Variants in NR6A1 observed in about 807,000 individuals in gnomAD.
NR6A1 encodes the protein nuclear receptor subfamily 6 group A member 1, also known as retinoic acid receptor-related testis-associated receptor.
NR6A1 carries 7 observed loss-of-function variants against 59.1 expected under a neutral mutation model. The observed-to-expected ratio is 0.12, with a 90% CI of 0.07 to 0.22. The LOEUF (loss-of-function observed/expected upper bound fraction) is 0.22, where lower values mean the gene tolerates loss of function less well. Ranked by LOEUF, NR6A1 falls within the 10% of genes least tolerant of loss-of-function variation. NR6A1 has a pLI of 1.00. For synonymous variants in NR6A1, 243 were observed against 236.1 expected, an observed-to-expected ratio of 1.03 and a Z score of -0.27; for missense variants, 468 against 611.6, an observed-to-expected ratio of 0.77 and a Z score of 2.48.
rs1413292299 is a variant in NR6A1, at chr9:124,520,319, C to G, written c.*2386G>C. The G allele has an allele frequency of 4.6e-5, 7 of 152,222 alleles. No individual in the cohort carries two copies. The highest frequency in any genetic ancestry group is 1.0e-4 in the Non-Finnish European group (7 of 68,048). The allele number at this position is 152,222 out of a possible 1,614,324, so 9.4% of individuals were successfully genotyped here. On this transcript the variant is annotated 3_prime_UTR_variant, in exon 10 of 10. Coordinates refer to ENST00000487099, the MANE Select transcript of NR6A1 (RefSeq NM_033334.4). ...ACAGGTCAGGCTCCGGCTCGGAACA[C>G]ACAGCCACTTTGCTCTGAGATTCTG...
Position 124,525,322 on chromosome 9 carries a change from C to CACACAG in NR6A1, c.1202-450_1202-449insCTGTGT, listed in dbSNP as rs3223288. Among the ~76,000 whole-genome samples, 6 of 150,496 alleles carry CACACAG rather than the reference C, an allele frequency of 4.0e-5. No homozygotes were observed. In the South Asian group the frequency reaches 6.4e-4, roughly 16 times the overall value. On this transcript the variant is annotated intron_variant, in intron 8 of 9. Coordinates refer to ENST00000487099, the MANE Select transcript of NR6A1 (RefSeq NM_033334.4). Reference sequence around the variant, plus strand: ...ACACACACACACACACACACACACACAGCACCCTCCTATGCGCTTCTGTTC... The same window carrying CACACAG: ...ACACACACACACACACACACACACACACACAGAGCACCCTCCTATGCGCTTCTGTTC...
At chr9:124,586,691 C>T (rs1328764818) in intron 2 of NR6A1, among the ~76,000 whole-genome samples, 1 of 152,080 alleles carries the variant, frequency 6.6e-6, no homozygotes, top group Non-Finnish European at 1.5e-5. Flanking sequence ...TCAAGCAATC[C>T]TCCTTCATTG....
chr9:124,667,404 TC>T (rs909868983), intron 2 of NR6A1, among the ~76,000 whole-genome samples: 3 of 152,064 alleles, frequency 2.0e-5, no homozygotes, highest in African/African-American at 7.2e-5. Context: ...ATAACAGGTT[TC>T]AAAGGCATAA....
rs565570681 is a variant in NR6A1, at chr9:124,771,276, G to GCTCCGCGCCC, written c.-167_-158dup. ...GCCCCGAGCCGCCCGGCTCCGCGCCGCTCCGCGCCCCTCCGCGCCGCGCCC... is the reference window on the plus strand; with the variant it reads ...GCCCCGAGCCGCCCGGCTCCGCGCCGCTCCGCGCCCCTCCGCGCCCCTCCGCGCCGCGCCC... On this transcript the variant is annotated 5_prime_UTR_variant, in exon 1 of 10. Coordinates refer to ENST00000487099, the MANE Select transcript of NR6A1 (RefSeq NM_033334.4). The GCTCCGCGCCC allele has an allele frequency of 5.6e-4, 224 of 401,412 alleles. 3 individuals carry two copies. The South Asian group carries it at 0.019, about 33-fold the overall frequency. The allele number at this position is 401,412 out of a possible 1,614,324, so 24.9% of individuals were successfully genotyped here.
intron 2 of NR6A1, among the ~76,000 whole-genome samples, chr9:124,709,946 G>GA (rs756286252): frequency 0.016 from 1,689 of 105,272 alleles, 22 homozygotes; most frequent in African/African-American, 0.046. Flanking sequence ...ATTCCATCTC[G>GA]AAAAAAAAAA....
In NR6A1 at chr9:124,598,710, GT is replaced by G. The variant is rs1835355009; in HGVS notation, c.143-44141del. 35 of 577,590 alleles carry G rather than the reference GT, an allele frequency of 6.1e-5. No homozygotes were observed. In the South Asian group the frequency reaches 6.3e-4, roughly 10 times the overall value. The allele number at this position is 577,590 out of a possible 1,614,324, so 35.8% of individuals were successfully genotyped here. ...GAGGAAAAAAATAAGACGATTTATT[GT>G]TTCTCCTCAGCATCCTCCTTGGTCT... is the stretch of plus-strand genomic sequence containing the variant. On this transcript the variant is annotated intron_variant, in intron 2 of 9. Coordinates refer to ENST00000487099, the MANE Select transcript of NR6A1 (RefSeq NM_033334.4).
intron 2 of NR6A1, chr9:124,599,357 T>C: frequency 5.6e-6 from 2 of 356,122 alleles, no homozygotes; most frequent in Non-Finnish European, 1.1e-5. Context: ...AGGCGGAGGT[T>C]GCAGTGAGCC....
At chr9:124,535,298 C>T (rs1047525794) in intron 7 of NR6A1, among the ~76,000 whole-genome samples, 1 of 152,140 alleles carries the variant, frequency 6.6e-6, no homozygotes, top group African/African-American at 2.4e-5. Context: ...TAAAGATCAG[C>T]TGGGTGCAGT....
intron 2 of NR6A1, among the ~76,000 whole-genome samples, chr9:124,719,570 T>C (rs747232153): frequency 2.6e-5 from 4 of 151,950 alleles, no homozygotes; most frequent in Non-Finnish European, 5.9e-5. Context: ...GAAACGTAAA[T>C]GGGTAAAGGA....
At position 124,751,408 on chromosome 9, in the gene NR6A1, T is replaced by TA. The variant is rs550879173; in HGVS notation, c.101-18060dup. Among the ~76,000 whole-genome samples, 36 of 152,330 alleles carry TA rather than the reference T, an allele frequency of 2.4e-4. No homozygotes were observed. The South Asian group carries it at 6.6e-3, about 28-fold the overall frequency. On this transcript the variant is annotated intron_variant, in intron 1 of 9. Transcript: ENST00000487099. ...TTTAAATGGTAAAAATTCTTCTAGA[T>TA]AGAGCACATATGAGCTTGACAATAA...
intron 2 of NR6A1, among the ~76,000 whole-genome samples, chr9:124,700,972 G>T (rs1302796251): frequency 6.6e-6 from 1 of 151,944 alleles, no homozygotes; most frequent in Non-Finnish European, 1.5e-5. Context: ...TGTTGGCCAG[G>T]CGGGTCTCAA....
chr9:124,584,142 C>T (rs1834852191), intron 2 of NR6A1, among the ~76,000 whole-genome samples: 1 of 149,132 alleles, frequency 6.7e-6, no homozygotes. Context: ...GTCACCCAGG[C>T]TGGAGTGCAG....
At chr9:124,689,784 T>C (rs953006190) in intron 2 of NR6A1, among the ~76,000 whole-genome samples, 1 of 152,208 alleles carries the variant, frequency 6.6e-6, no homozygotes, top group African/African-American at 2.4e-5. Context: ...CAAACCAGGT[T>C]AACCTACTTA....
intron 2 of NR6A1, among the ~76,000 whole-genome samples, chr9:124,630,870 G>GA (rs1160222988): frequency 1.3e-5 from 2 of 150,582 alleles, no homozygotes; most frequent in African/African-American, 4.9e-5. Flanking sequence ...TAGAGACGGA[G>GA]TTTTTCCACG....
chr9:124,638,390 A>AT (rs1351308250), intron 2 of NR6A1, among the ~76,000 whole-genome samples: 2 of 152,116 alleles, frequency 1.3e-5, no homozygotes, highest in Non-Finnish European at 2.9e-5. Context: ...TCTAAGACCA[A>AT]TTTTTCCTAT....
At chr9:124,660,019 G>A (rs984011580) in intron 2 of NR6A1, among the ~76,000 whole-genome samples, 3 of 152,132 alleles carry the variant, frequency 2.0e-5, no homozygotes, top group Non-Finnish European at 2.9e-5. Flanking sequence ...GGGGAAAAAA[G>A]GAGGATTTTT....
At chr9:124,743,964 C>T (rs1339110142) in intron 1 of NR6A1, among the ~76,000 whole-genome samples, 19 of 152,234 alleles carry the variant, frequency 1.2e-4, no homozygotes, top group East Asian at 3.8e-4. Context: ...CAGTGGCTCA[C>T]GCCTGTAATC....
At chr9:124,631,475 A>C (rs1253952881) in intron 2 of NR6A1, among the ~76,000 whole-genome samples, 1 of 152,240 alleles carries the variant, frequency 6.6e-6, no homozygotes, top group Non-Finnish European at 1.5e-5. Context: ...GCTTTAAATG[A>C]AACCACTCTG....
At chr9:124,756,243 A>G (rs1356524854) in intron 1 of NR6A1, among the ~76,000 whole-genome samples, 1 of 152,258 alleles carries the variant, frequency 6.6e-6, no homozygotes, top group Non-Finnish European at 1.5e-5. Flanking sequence ...CAAGGCTTTT[A>G]ATTACTAACC....
Sources: allele counts gnomAD v4.1 joint callset (sites outside exome capture counted in the v4.1 genomes callset), GRCh38; gene constraint gnomAD v4.1.1; transcripts MANE v1.5; gene names NCBI Gene and HGNC (gene_info 2026-07-23, HGNC 2026-07-21).